Variants in ENPP6 observed in about 807,000 individuals in gnomAD.
ENPP6 encodes the protein glycerophosphocholine cholinephosphodiesterase ENPP6.
ENPP6 carries 32 observed loss-of-function variants against 42.0 expected under a neutral mutation model. The ratio of observed to expected loss-of-function variants is 0.76; its 90% CI spans 0.58 to 1.02. The LOEUF is 1.02. Ranked by LOEUF, ENPP6 falls within the 50% of genes least tolerant of loss-of-function variation. The pLI is 0.00. For synonymous variants in ENPP6, 213 were observed against 216.0 expected, an observed-to-expected ratio of 0.99 and a Z score of 0.12; for missense variants, 552 against 566.8, an observed-to-expected ratio of 0.97 and a Z score of 0.27.
intron 6 of ENPP6, among the ~76,000 whole-genome samples, chr4:184,098,852 A>C (rs935421848): frequency 6.6e-6 from 1 of 152,236 alleles, no homozygotes; most frequent in Non-Finnish European, 1.5e-5. Flanking sequence ...GGCAGGTTTC[A>C]ATATTACAAA....
chr4:184,093,140 C>T (rs182011992), intron 7 of ENPP6, among the ~76,000 whole-genome samples: 71 of 152,166 alleles, frequency 4.7e-4, no homozygotes, highest in Admixed American at 1.1e-3. Flanking sequence ...GGGTGACCTC[C>T]GGAAATAGGC....
intron 1 of ENPP6, among the ~76,000 whole-genome samples, chr4:184,206,414 G>C (rs9312323): frequency 0.32 from 21,839 of 68,804 alleles, 6,152 homozygotes; most frequent in African/African-American, 0.59. Context: ...GGCGCCACCA[G>C]GCCCGGCTAA....
intron 1 of ENPP6, among the ~76,000 whole-genome samples, chr4:184,181,294 A>C (rs1011685277): frequency 5.9e-5 from 9 of 152,340 alleles, no homozygotes; most frequent in African/African-American, 2.2e-4. Flanking sequence ...TTAGGAATAC[A>C]GCTAACAAGG....
At chr4:184,126,177 A>C (rs1410540704) in intron 2 of ENPP6, among the ~76,000 whole-genome samples, 1 of 152,218 alleles carries the variant, frequency 6.6e-6, no homozygotes, top group Non-Finnish European at 1.5e-5. Flanking sequence ...TGTTTTTGGT[A>C]CGAGCAACAA....
rs552112503 is a variant in ENPP6, at chr4:184,208,958, A to AC, written c.241+8620dup. 3.6e-5 allele frequency among the ~76,000 whole-genome samples: 5 copies of AC among 140,580 alleles called. No individual in the cohort carries two copies. The South Asian group carries it at 9.0e-4, about 25-fold the overall frequency. 92.2% of individuals were successfully genotyped at this position (140,580 alleles called of 152,430 possible). A position where few individuals can be genotyped will look rare whatever the true frequency, so the allele number is the denominator to read the frequency against. ...CCCCCGAGCAGCCTAACTGGGAGGC[A>AC]CCCCCCAGCAGGAGCACACTGACAC... On this transcript the variant is annotated intron_variant, in intron 1 of 7. Coordinates refer to ENST00000296741, the MANE Select transcript of ENPP6 (RefSeq NM_153343.4).
chr4:184,201,422 T>A, intron 1 of ENPP6, among the ~76,000 whole-genome samples: 1 of 151,336 alleles, frequency 6.6e-6, no homozygotes, highest in South Asian at 2.1e-4. Flanking sequence ...GGCGGGGGGG[T>A]GTTGTGAGAT....
At chr4:184,109,494 A>G (rs994818884) in intron 6 of ENPP6, among the ~76,000 whole-genome samples, 7 of 152,170 alleles carry the variant, frequency 4.6e-5, no homozygotes, top group Non-Finnish European at 1.0e-4. Context: ...GGCGTGATAC[A>G]TGAAGATGAA....
chr4:184,103,127 C>T (rs1421782609), intron 6 of ENPP6, among the ~76,000 whole-genome samples: 6 of 152,240 alleles, frequency 3.9e-5, no homozygotes, highest in African/African-American at 1.4e-4. Flanking sequence ...TCAGCTGGTA[C>T]AGGGCTGCTT....
intron 2 of ENPP6, among the ~76,000 whole-genome samples, chr4:184,146,618 TCAG>T (rs1471671041): frequency 6.6e-6 from 1 of 152,166 alleles, no homozygotes; most frequent in African/African-American, 2.4e-5. Context: ...TTTTTGCAGC[TCAG>T]CAACATTAAA....
intron 1 of ENPP6, among the ~76,000 whole-genome samples, chr4:184,205,323 G>A (rs1421597795): frequency 6.6e-6 from 1 of 152,240 alleles, no homozygotes; most frequent in African/African-American, 2.4e-5. Context: ...AGAGAGCGCT[G>A]GTGGGGTGGC....
intron 1 of ENPP6, among the ~76,000 whole-genome samples, chr4:184,208,528 C>A (rs925755449): frequency 2.6e-5 from 4 of 152,142 alleles, no homozygotes; most frequent in Non-Finnish European, 4.4e-5. Context: ...TGCGCTTTTC[C>A]GACGGGCTTA....
At chr4:184,155,889 G>A (rs1271678589) in intron 1 of ENPP6, among the ~76,000 whole-genome samples, 2 of 152,200 alleles carry the variant, frequency 1.3e-5, no homozygotes, top group Non-Finnish European at 2.9e-5. Context: ...ACTCTAAAGT[G>A]TCCAAACTCA....
At chr4:184,162,576 AAAG>A (rs1560997455) in intron 1 of ENPP6, among the ~76,000 whole-genome samples, 6,745 of 145,404 alleles carry the variant, frequency 0.046, 176 homozygotes, top group South Asian at 0.065. Context: ...AGGAAGGAAG[AAAG>A]GAAGGAAGAG....
intron 1 of ENPP6, among the ~76,000 whole-genome samples, chr4:184,181,521 C>T (rs905997517): frequency 2.6e-5 from 4 of 152,148 alleles, no homozygotes; most frequent in Non-Finnish European, 5.9e-5. Context: ...CTTTAAAATT[C>T]ATATGGAACC....
At chr4:184,177,951 G>C (rs1732470540) in intron 1 of ENPP6, among the ~76,000 whole-genome samples, 2 of 152,226 alleles carry the variant, frequency 1.3e-5, no homozygotes, top group South Asian at 4.1e-4. Flanking sequence ...GACTCAAAAA[G>C]CCAGAGTGTC....
At chr4:184,126,743 C>T (rs1014821453) in intron 2 of ENPP6, among the ~76,000 whole-genome samples, 2 of 152,194 alleles carry the variant, frequency 1.3e-5, no homozygotes, top group African/African-American at 4.8e-5. Flanking sequence ...AGTGATCGTC[C>T]TTATCATTTC....
At chr4:184,093,966 G>C (rs1463669548) in intron 7 of ENPP6, among the ~76,000 whole-genome samples, 1 of 152,046 alleles carries the variant, frequency 6.6e-6, no homozygotes, top group Non-Finnish European at 1.5e-5. Context: ...AGTAAGCCCA[G>C]GTGTCCCACA....
intron 5 of ENPP6, among the ~76,000 whole-genome samples, chr4:184,114,781 G>T (rs200435875): frequency 6.8e-6 from 1 of 147,184 alleles, no homozygotes; most frequent in African/African-American, 2.5e-5. Flanking sequence ...AAAAAAAAAA[G>T]AAAAAAAGAA....
intron 1 of ENPP6, among the ~76,000 whole-genome samples, chr4:184,181,124 C>T (rs1732545337): frequency 6.6e-6 from 1 of 152,124 alleles, no homozygotes; most frequent in Non-Finnish European, 1.5e-5. Context: ...TCATCTGAGC[C>T]CCAAAGCTTC....
Sources: gnomAD v4.1 joint callset for allele counts (sites outside exome capture counted in the v4.1 genomes callset) on GRCh38, gnomAD v4.1.1 for gene constraint, MANE v1.5 for transcripts, NCBI Gene and HGNC (gene_info 2026-07-23, HGNC 2026-07-21) for gene names.